TBK1: variants seen among roughly 807,000 people sequenced by gnomAD.
TBK1 encodes the protein TANK binding kinase 1.
TBK1 carries 37 observed loss-of-function variants against 99.9 expected under a neutral mutation model. The ratio of observed to expected loss-of-function variants is 0.37; its 90% CI spans 0.28 to 0.49. The LOEUF (loss-of-function observed/expected upper bound fraction) is 0.49, where lower values mean the gene tolerates loss of function less well. Among genes scored for constraint, TBK1 ranks in the 20% least tolerant of loss-of-function variants. The pLI is 0.98. For missense variants in TBK1, 644 were observed against 872.5 expected, an observed-to-expected ratio of 0.74 and a Z score of 3.30; for synonymous variants, 258 against 279.8, an observed-to-expected ratio of 0.92 and a Z score of 0.78.
intron 7 of TBK1, among the ~76,000 whole-genome samples, chr12:64,481,564 A>G (rs905090340): frequency 6.6e-6 from 1 of 152,192 alleles, no homozygotes; most frequent in East Asian, 1.9e-4. Flanking sequence ...ACTGCAATGC[A>G]TAAAGCATCT....
chr12:64,492,563 C>G (rs574283043), intron 13 of TBK1, among the ~76,000 whole-genome samples: 1 of 152,162 alleles, frequency 6.6e-6, no homozygotes, highest in Non-Finnish European at 1.5e-5. Flanking sequence ...GCCTTGGCCT[C>G]CCAAAGTGCT....
At chr12:64,496,651 T>G (rs1233914758) in intron 16 of TBK1, among the ~76,000 whole-genome samples, 1 of 152,192 alleles carries the variant, frequency 6.6e-6, no homozygotes, top group Non-Finnish European at 1.5e-5. Flanking sequence ...AGCTTCTGCC[T>G]CATATGCTCT....
Position 64,484,296 on chromosome 12 carries a change from C to T in TBK1, c.993-7C>T. On this transcript the variant is annotated splice_polypyrimidine_tract_variant and splice_region_variant and intron_variant, in intron 8 of 20. Transcript: ENST00000331710. ...TTATAGTGTCCTTTTGAATTTTTCT[C>T]ACACAGTGCTACTATATTTCATGAA... The T allele has an allele frequency of 6.3e-7, 1 of 1,578,044 alleles. No homozygotes were observed. The highest frequency in any genetic ancestry group is 8.6e-7 in the Non-Finnish European group (1 of 1,159,406).
intron 1 of TBK1, among the ~76,000 whole-genome samples, chr12:64,454,028 G>A (rs2040457759): frequency 6.6e-6 from 1 of 152,024 alleles, no homozygotes; most frequent in South Asian, 2.1e-4. Context: ...GGAATATTAT[G>A]CAGTGACAAC....
chr12:64,467,619 TAAAAG>T (rs2040620299), intron 5 of TBK1, among the ~76,000 whole-genome samples: 1 of 152,070 alleles, frequency 6.6e-6, no homozygotes, highest in Non-Finnish European at 1.5e-5. Context: ...AAAATATACT[TAAAAG>T]TAAATACTTT....
At chr12:64,468,438 C>T (rs2040628176) in intron 5 of TBK1, among the ~76,000 whole-genome samples, 1 of 151,634 alleles carries the variant, frequency 6.6e-6, no homozygotes, top group African/African-American at 2.4e-5. Flanking sequence ...TTTCAGTGAG[C>T]CGAGATCGTG....
intron 19 of TBK1, 52 bp from the exon 20 acceptor site, chr12:64,497,916 C>T: frequency 2.0e-6 from 3 of 1,535,708 alleles, no homozygotes; most frequent in Non-Finnish European, 2.7e-6. Context: ...AAACATCATT[C>T]TAAAACATTT....
intron 3 of TBK1, among the ~76,000 whole-genome samples, chr12:64,461,497 A>C (rs1269979381): frequency 6.6e-6 from 1 of 152,204 alleles, no homozygotes; most frequent in Non-Finnish European, 1.5e-5. Flanking sequence ...CAGAAATATA[A>C]TTTTATGCAT....
intron 4 of TBK1, among the ~76,000 whole-genome samples, chr12:64,466,071 T>G (rs1317648347): frequency 1.3e-5 from 2 of 152,082 alleles, no homozygotes; most frequent in Admixed American, 6.5e-5. Flanking sequence ...GGAAGCAGAG[T>G]GATTATTTAG....
chr12:64,488,477 CTTT>C lies in TBK1; in HGVS notation c.1341-5_1341-3del. On this transcript the variant is annotated splice_region_variant and splice_polypyrimidine_tract_variant and intron_variant, in intron 11 of 20. Coordinates refer to ENST00000331710, the MANE Select transcript of TBK1 (RefSeq NM_013254.4). ...TAGATAAACTAATTAGAATAATTTT[CTTT>C]TTTTAGTGAATTAATTAAAGATGAT... 6.6e-7 allele frequency: 1 copy of C among 1,507,176 alleles called. No individual in the cohort carries two copies. Among genetic ancestry groups the C allele is most frequent in the Non-Finnish European group, 8.9e-7 (1 of 1,117,476 alleles). The allele number at this position is 1,507,176 out of a possible 1,614,324, so 93.4% of individuals were successfully genotyped here. A position where few individuals can be genotyped will look rare whatever the true frequency, so the allele number is the denominator to read the frequency against.
Position 64,489,946 on chromosome 12 carries a change from TATG to T in TBK1, c.1443-90_1443-88del. The T allele has an allele frequency of 6.4e-6, 5 of 778,376 alleles. No homozygotes were observed. In the South Asian group the frequency reaches 9.8e-5, roughly 15 times the overall value. 48.2% of individuals were successfully genotyped at this position (778,376 alleles called of 1,614,324 possible). ...AATCAATTTTTTATTTTTAAATGGTTATGATGAAAGCTGAAATTATTATTTATA... is the reference window on the plus strand; with the variant it reads ...AATCAATTTTTTATTTTTAAATGGTTATGAAAGCTGAAATTATTATTTATA... On this transcript the variant is annotated intron_variant, in intron 12 of 20. Transcript: ENST00000331710.
intron 4 of TBK1, among the ~76,000 whole-genome samples, chr12:64,465,411 GT>G (rs1283222086): frequency 4.0e-5 from 6 of 151,660 alleles, no homozygotes; most frequent in Non-Finnish European, 4.4e-5. Flanking sequence ...TGACCCAGCA[GT>G]TCCACTGCTA....
chr12:64,470,207 T>C (rs1350462849), intron 5 of TBK1, among the ~76,000 whole-genome samples: 1 of 152,206 alleles, frequency 6.6e-6, no homozygotes, highest in Non-Finnish European at 1.5e-5. Flanking sequence ...CCCCTTGTTA[T>C]AATAAATATT....
At chr12:64,454,306 G>T (rs2040460972) in intron 1 of TBK1, among the ~76,000 whole-genome samples, 1 of 152,176 alleles carries the variant, frequency 6.6e-6, no homozygotes, top group African/African-American at 2.4e-5. Context: ...GAGTGCAGTG[G>T]TGCGATCTCA....
At position 64,467,774 on chromosome 12, in the gene TBK1, C is replaced by G. The variant is rs531472755; in HGVS notation, c.540+692C>G. Among the ~76,000 whole-genome samples the G allele has an allele frequency of 1.2e-4, 19 of 152,224 alleles. 1 individual carries two copies. The highest frequency in any genetic ancestry group is 1.0e-3 in the South Asian group (5 of 4,826). ...AATTTTATAAGATGAAAGATATCTA[C>G]CACACCCTGTAGCTTTATTCAGATT... is the stretch of plus-strand genomic sequence containing the variant. On this transcript the variant is annotated intron_variant, in intron 5 of 20. Coordinates refer to ENST00000331710, the MANE Select transcript of TBK1 (RefSeq NM_013254.4).
intron 4 of TBK1, 58 bp downstream of exon 4, chr12:64,464,521 TA>T: frequency 7.3e-7 from 1 of 1,368,358 alleles, no homozygotes. Context: ...ACAGAATTTT[TA>T]AAAAATATCT....
chr12:64,470,274 GCACAC>G (rs2040648990), intron 5 of TBK1, among the ~76,000 whole-genome samples: 1 of 151,946 alleles, frequency 6.6e-6, no homozygotes, highest in Admixed American at 6.6e-5. Context: ...TTATAAACCT[GCACAC>G]CTAATTAAAA....
Position 64,484,478 on chromosome 12 carries a change from A to C in TBK1, c.1168A>C (p.Ile390Leu). ...AGTAAGCCGGGAACCTCTGAATACC[A>C]TAGGATTAATATATGAAAAAAGTAA... ...FVVSREPLNT[I>L]GLIYEKISLP... The change falls in exon 9 of 21, where the codon ATA becomes CTA. Residue 390 changes from isoleucine to leucine, a missense_variant. Ile to Leu is a conservative substitution (Grantham distance 5). This residue lies in a region of TBK1 where 465 missense variants were observed against 588.0 expected (regional missense o/e 0.79). Coordinates refer to ENST00000331710, the MANE Select transcript of TBK1 (RefSeq NM_013254.4). The C allele has an allele frequency of 6.2e-7, 1 of 1,601,586 alleles. No individual in the cohort carries two copies. Among genetic ancestry groups the C allele is most frequent in the Non-Finnish European group, 8.5e-7 (1 of 1,176,752 alleles).
intron 3 of TBK1, among the ~76,000 whole-genome samples, chr12:64,461,167 TAATAATTATAAAGAGAAAA>T (rs1421678072): frequency 1.3e-5 from 2 of 151,652 alleles, no homozygotes; most frequent in African/African-American, 4.8e-5. Context: ...AAGTTAAATC[TAATAATTATAAAGAGAAAA>T]AATAATTATA....
Sources: gnomAD v4.1 joint callset for allele counts (sites outside exome capture counted in the v4.1 genomes callset) on GRCh38, gnomAD v4.1.1 for gene constraint, gnomAD v4.1.1 regional missense constraint, MANE v1.5 for transcripts, NCBI Gene and HGNC (gene_info 2026-07-23, HGNC 2026-07-21) for gene names.